Variants in IHO1 observed in about 807,000 individuals in gnomAD.
IHO1 encodes the protein interactor of HORMAD1 protein 1.
A neutral mutation model predicts 31.0 loss-of-function variants in IHO1; 13 were observed. That is an observed-to-expected ratio of 0.42 (90% CI 0.27 to 0.67). The LOEUF (loss-of-function observed/expected upper bound fraction) is 0.67. Among genes scored for constraint, IHO1 ranks in the 30% least tolerant of loss-of-function variants. IHO1 has a pLI of 0.24. For synonymous variants in IHO1, 221 were observed against 248.4 expected, an observed-to-expected ratio of 0.89 and a Z score of 1.04; for missense variants, 599 against 687.5, an observed-to-expected ratio of 0.87 and a Z score of 1.44.
chr3:49,227,119 A>G (rs896158303), intron 2 of IHO1, among the ~76,000 whole-genome samples: 64 of 152,318 alleles, frequency 4.2e-4, no homozygotes, highest in African/African-American at 1.4e-3. Context: ...TTCTCCTTCA[A>G]TGAAAAGAAA....
At position 49,209,008 on chromosome 3, in the gene IHO1, ATCTT is replaced by A. The variant is rs200035410; in HGVS notation, c.-15-2753_-15-2750del. Among the ~76,000 whole-genome samples, 1,146 of 152,332 alleles carry A rather than the reference ATCTT, an allele frequency of 7.5e-3. 7 individuals are homozygous for A. The highest frequency in any genetic ancestry group is 0.013 in the Non-Finnish European group (875 of 68,034). On this transcript the variant is annotated intron_variant, in intron 1 of 7. Transcript: ENST00000452691. ...GACAGCTTCCTGACCTTTGTAGGAC[ATCTT>A]TCTTCTGGTTGAATTCTGGGAAGAT...
intron 1 of IHO1, among the ~76,000 whole-genome samples, chr3:49,209,594 C>A (rs1363207980): frequency 6.6e-6 from 1 of 150,984 alleles, no homozygotes; most frequent in Non-Finnish European, 1.5e-5. Flanking sequence ...TAAGATAACA[C>A]CACTGCATTC....
intron 2 of IHO1, among the ~76,000 whole-genome samples, chr3:49,218,222 G>A (rs1236913424): frequency 2.0e-5 from 3 of 151,680 alleles, no homozygotes; most frequent in African/African-American, 7.3e-5. Context: ...GGTGTATCCT[G>A]GTTCCCACCT....
the IHO1 span, among the ~76,000 whole-genome samples, chr3:49,192,631 T>TTA: frequency 6.6e-6 from 1 of 152,164 alleles, no homozygotes; most frequent in South Asian, 2.1e-4. Context: ...GCTTGGTGGT[T>TTA]CACAACTGTA....
rs559347499 is a variant in IHO1, at chr3:49,249,154, C to T, written c.532+4421C>T. ...TAATCTAACTCTTCCTGTTCTTCAG[C>T]TGAGGACACTAAGGACCACAGTAAT... On this transcript the variant is annotated intron_variant, in intron 6 of 7. Transcript: ENST00000452691. Among the ~76,000 whole-genome samples, 59 of 152,296 alleles carry T rather than the reference C, an allele frequency of 3.9e-4. 1 individual carries two copies. The South Asian group carries it at 6.4e-3, about 17-fold the overall frequency.
At chr3:49,213,643 T>C (rs903389769) in intron 2 of IHO1, among the ~76,000 whole-genome samples, 21 of 152,330 alleles carry the variant, frequency 1.4e-4, no homozygotes, top group African/African-American at 4.8e-4. Flanking sequence ...GGGCCGGCAC[T>C]GCTGGAGGAC....
upstream of IHO1, among the ~76,000 whole-genome samples, chr3:49,194,618 T>A (rs545237444): frequency 6.1e-3 from 890 of 145,016 alleles, 10 homozygotes; most frequent in African/African-American, 0.021. Flanking sequence ...AAAATCGGCA[T>A]GGCATGGTGG....
At position 49,241,311 on chromosome 3, in the gene IHO1, C is replaced by T; in HGVS notation, c.317C>T (p.Pro106Leu). ...AAAGATGGAGGTTTATTTCCTCCTC[C>T]TTTGTCAGTTGGAAAATCAAAAGGC... ...DIKDGGLFPP[P>L]LSVGKSKGLL... is the part of the protein sequence containing the mutation. Residue 106 changes from proline to leucine, a missense_variant, in exon 4 of 8, where the codon CCT (proline) becomes CTT (leucine). Coordinates refer to ENST00000452691, the MANE Select transcript of IHO1 (RefSeq NM_001135197.2). 1 of 1,613,576 alleles carries T rather than the reference C, an allele frequency of 6.2e-7. No individual in the cohort carries two copies. Among genetic ancestry groups the T allele is most frequent in the Non-Finnish European group, 8.5e-7 (1 of 1,179,764 alleles).
the IHO1 span, among the ~76,000 whole-genome samples, chr3:49,193,299 G>C: frequency 6.6e-6 from 1 of 151,808 alleles, no homozygotes; most frequent in South Asian, 2.1e-4. Context: ...TTGAGCCCGG[G>C]AAGTGGAGAC....
At chr3:49,229,522 T>C (rs923582297) in intron 2 of IHO1, among the ~76,000 whole-genome samples, 20 of 152,122 alleles carry the variant, frequency 1.3e-4, no homozygotes, top group African/African-American at 4.1e-4. Context: ...TATGTAGAAA[T>C]GGGGAAAGTG....
chr3:49,224,098 A>C (rs779374232), intron 2 of IHO1, among the ~76,000 whole-genome samples: 6 of 152,156 alleles, frequency 3.9e-5, no homozygotes, highest in Non-Finnish European at 8.8e-5. Flanking sequence ...GGAGCGTTTT[A>C]AGTATTTTCT....
In IHO1 at chr3:49,256,870, C is replaced by G; in HGVS notation, c.1373C>G (p.Ala458Gly). 3 of 1,614,188 alleles carry G rather than the reference C, an allele frequency of 1.9e-6. No homozygotes were observed. The highest frequency in any genetic ancestry group is 2.5e-6 in the Non-Finnish European group (3 of 1,180,034). Reference sequence around the variant, plus strand: ...AGGGCCCACAGAGGCAGGCTCATAGCCAGCAAGCAAAAACAAATCCCAATC... The same window carrying G: ...AGGGCCCACAGAGGCAGGCTCATAGGCAGCAAGCAAAAACAAATCCCAATC... Reference protein sequence around the residue: ...AHRAHRGRLIASKQKQIPIQT... With the variant: ...AHRAHRGRLIGSKQKQIPIQT... The change falls in exon 8 of 8, where the codon GCC becomes GGC. Residue 458 changes from alanine (A) to glycine (G), a missense_variant. Ala to Gly is a moderately conservative substitution (Grantham distance 60, BLOSUM62 0). Transcript: ENST00000452691. The surrounding 1 kb of genome is among the most constrained non-coding windows in gnomAD (Gnocchi z 4.6).
upstream of IHO1, among the ~76,000 whole-genome samples, chr3:49,197,652 A>G (rs975517462): frequency 2.0e-5 from 3 of 152,022 alleles, no homozygotes; most frequent in African/African-American, 7.2e-5. Context: ...AGGTGGGTGG[A>G]TCACCTGAGG....
chr3:49,254,495 G>C (rs1179447047), intron 6 of IHO1, among the ~76,000 whole-genome samples: 1 of 152,040 alleles, frequency 6.6e-6, no homozygotes, highest in Non-Finnish European at 1.5e-5. Context: ...GAGTGGAAAT[G>C]GTATTTTCTG....
chr3:49,246,026 A>G (rs1393088440), intron 6 of IHO1, among the ~76,000 whole-genome samples: 1 of 151,850 alleles, frequency 6.6e-6, no homozygotes, highest in African/African-American at 2.4e-5. Flanking sequence ...TACTAAAAAT[A>G]CAAAAATTAG....
intron 1 of IHO1, among the ~76,000 whole-genome samples, chr3:49,210,665 C>T (rs2046198805): frequency 1.3e-5 from 2 of 149,558 alleles, no homozygotes; most frequent in South Asian, 4.2e-4. Context: ...TCCCAAAGTG[C>T]AGGGATTACA....
intron 6 of IHO1, among the ~76,000 whole-genome samples, chr3:49,254,434 T>G (rs1341776289): frequency 6.6e-6 from 1 of 152,102 alleles, no homozygotes; most frequent in African/African-American, 2.4e-5. Context: ...CAATAAATGA[T>G]GGTAGGGCAC....
chr3:49,236,781 T>C, intron 3 of IHO1, 59 bp downstream of exon 3: 1 of 1,498,576 alleles, frequency 6.7e-7, no homozygotes, highest in Non-Finnish European at 9.1e-7. Context: ...GGAGATAAAC[T>C]ATAAAGAATA....
chr3:49,192,336 G>A, the IHO1 span, among the ~76,000 whole-genome samples: 1 of 152,172 alleles, frequency 6.6e-6, no homozygotes, highest in Admixed American at 6.5e-5. Context: ...AACAGAAGAA[G>A]GAACATGCAA....
Sources: allele counts gnomAD v4.1 joint callset (sites outside exome capture counted in the v4.1 genomes callset), GRCh38; gene constraint gnomAD v4.1.1; non-coding constraint Gnocchi (gnomAD v3.1); transcripts MANE v1.5; gene names NCBI Gene and HGNC (gene_info 2026-07-23, HGNC 2026-07-21).